PSG11: variants seen among roughly 807,000 people sequenced by gnomAD.
PSG11 encodes the protein pregnancy specific beta-1-glycoprotein 11.
Under a neutral mutation model 36.0 loss-of-function variants are expected in PSG11, and 42 were observed. That is an observed-to-expected ratio of 1.17 (90% CI 0.91 to 1.51). The LOEUF is 1.51. Among genes scored for constraint, PSG11 ranks in the 40% most tolerant of loss-of-function variants. The pLI is 0.00. For missense variants in PSG11, 558 were observed against 403.5 expected, an observed-to-expected ratio of 1.38 and a Z score of -3.28; for synonymous variants, 206 against 153.5, an observed-to-expected ratio of 1.34 and a Z score of -2.53.
Position 43,018,833 on chromosome 19 carries a change from C to A in PSG11, c.646G>T (p.Glu216Ter), listed in dbSNP as rs769018981. Residue 216 changes from glutamate to a stop codon, truncating the protein, a stop_gained, in exon 3 of 6, where the codon GAA (glutamate) becomes TAA (stop). Transcript: ENST00000320078. LOFTEE classifies it high-confidence loss of function. Reference sequence around the variant, plus strand: ...CTCCCTGAGTTCCATATTTCACATTCATAGGGTCCTGCAGTATACTTTGTG... The same window carrying A: ...CTCCCTGAGTTCCATATTTCACATTAATAGGGTCCTGCAGTATACTTTGTG... ...GVTKYTAGPYECEIWNSGSAS... is the reference protein window; with the variant it reads ...GVTKYTAGPY 12 of 1,611,978 alleles carry A rather than the reference C, an allele frequency of 7.4e-6. No homozygotes were observed. Among genetic ancestry groups the A allele is most frequent in the African/African-American group, 1.3e-5 (1 of 74,450 alleles).
intron 4 of PSG11, chr19:43,014,248 A>G: frequency 5.8e-6 from 4 of 692,026 alleles, no homozygotes; most frequent in Non-Finnish European, 7.1e-6. Context: ...TAAGCCTTAT[A>G]TTAGATATAT....
chr19:43,015,980 T>G (rs534930791), intron 3 of PSG11: 7 of 1,610,046 alleles, frequency 4.3e-6, no homozygotes, highest in Admixed American at 3.3e-5. Flanking sequence ...CAGGTGAAGG[T>G]TAAGACATCC....
intron 2 of PSG11, among the ~76,000 whole-genome samples, chr19:43,020,759 A>G (rs1967083949): frequency 6.6e-6 from 1 of 151,218 alleles, no homozygotes; most frequent in African/African-American, 2.5e-5. Flanking sequence ...AAAAGGAGGA[A>G]GGATGCCAAA....
intron 3 of PSG11, chr19:43,016,151 C>A: frequency 1.4e-6 from 2 of 1,469,948 alleles, no homozygotes; most frequent in Non-Finnish European, 1.8e-6. Flanking sequence ...CCACCCGAGT[C>A]CTTGAAAGCC....
chr19:43,016,860 G>A (rs1469433149), intron 3 of PSG11, among the ~76,000 whole-genome samples: 2 of 151,532 alleles, frequency 1.3e-5, no homozygotes, highest in East Asian at 3.9e-4. Flanking sequence ...GTGGACATTT[G>A]CAAATGCAGA....
At chr19:43,019,889 A>T (rs11083683) in intron 2 of PSG11, among the ~76,000 whole-genome samples, 70,178 of 151,040 alleles carry the variant, frequency 0.46, 17,975 homozygotes, top group East Asian at 0.99. Flanking sequence ...GAAAGGGCAA[A>T]CATGAACTGA....
In PSG11 at chr19:43,025,034, G is replaced by T; in HGVS notation, c.87C>A (p.Asn29Lys). The part of the protein sequence containing the change: ...LLTALLLNFW[N>K]LPTTAQVMIE... Reference sequence around the variant, plus strand: ...TCATGACTTGGGCAGTGGTAGGCAAGTTCCAGAAGTTTAAAAGTAATGCTA... The same window carrying T: ...TCATGACTTGGGCAGTGGTAGGCAATTTCCAGAAGTTTAAAAGTAATGCTA... The change falls in exon 2 of 6, where the codon AAC becomes AAA. Residue 29 changes from asparagine (N) to lysine (K), a missense_variant. Physicochemically the swap from Asn to Lys is moderately conservative, Grantham distance 94. Transcript: ENST00000320078. The T allele has an allele frequency of 6.2e-7, 1 of 1,610,510 alleles. No individual in the cohort carries two copies. Among genetic ancestry groups the T allele is most frequent in the Non-Finnish European group, 8.5e-7 (1 of 1,178,176 alleles).
At chr19:43,010,272 A>C in intron 4 of PSG11, 1 of 1,461,776 alleles carries the variant, frequency 6.8e-7, no homozygotes, top group Non-Finnish European at 9.0e-7. Context: ...GCACTCAGGT[A>C]TTTTGGAAGG....
At chr19:43,014,538 G>A (rs961119806) in intron 4 of PSG11, 25 of 983,770 alleles carry the variant, frequency 2.5e-5, no homozygotes, top group Non-Finnish European at 2.9e-5. Flanking sequence ...GCTCAATTTA[G>A]CCAAATTCAG....
chr19:43,015,713 C>T (rs951317026), intron 3 of PSG11: 45 of 1,599,360 alleles, frequency 2.8e-5, no homozygotes, highest in African/African-American at 1.9e-4. Flanking sequence ...AGGCCTGGCC[C>T]CTGGTCGTTT....
At position 43,015,481 on chromosome 19, in the gene PSG11, C is replaced by G. The variant is rs1213013790; in HGVS notation, c.710-111G>C. ...TGAGCCAAGACACACCCTCAAGTCC[C>G]AGCCAAACCCCCTCTATGTTCACTG... is the stretch of plus-strand genomic sequence containing the variant. On this transcript the variant is annotated intron_variant, in intron 3 of 5. Coordinates refer to ENST00000320078, the MANE Select transcript of PSG11 (RefSeq NM_002785.3). 3 of 1,400,280 alleles carry G rather than the reference C, an allele frequency of 2.1e-6. No homozygotes were observed. In the Admixed American group the frequency reaches 6.6e-5, roughly 31 times the overall value. 86.7% of individuals were successfully genotyped at this position (1,400,280 alleles called of 1,614,324 possible).
Position 43,026,378 on chromosome 19 carries a change from C to T in PSG11, c.-6G>A, listed in dbSNP as rs763559429. On this transcript the variant is annotated 5_prime_UTR_variant, in exon 1 of 6. Coordinates refer to ENST00000320078, the MANE Select transcript of PSG11 (RefSeq NM_002785.3). ...GGGGCTGAGAGGGGCCCCATGATCT[C>T]TGCTGCGTGCATGTTCTCCTCTGTG... The T allele has an allele frequency of 1.9e-6, 3 of 1,609,102 alleles. No individual in the cohort carries two copies. The highest frequency in any genetic ancestry group is 2.5e-6 in the Non-Finnish European group (3 of 1,177,240).
intron 2 of PSG11, among the ~76,000 whole-genome samples, chr19:43,022,571 C>T (rs1476276505): frequency 2.0e-5 from 3 of 151,270 alleles, no homozygotes; most frequent in Admixed American, 2.0e-4. Context: ...TAAAATCTTT[C>T]TTTACTAAAA....
At chr19:43,024,651 C>T (rs777914762) in intron 2 of PSG11, 40 bp downstream of exon 2, 1 of 1,609,320 alleles carries the variant, frequency 6.2e-7, no homozygotes, top group East Asian at 2.2e-5. Context: ...AGAAGTGACC[C>T]CTGTCCCCCA....
chr19:43,015,448 T>G, intron 3 of PSG11, 78 bp from the exon 4 acceptor site: 1 of 1,500,438 alleles, frequency 6.7e-7, no homozygotes, highest in Non-Finnish European at 9.0e-7. Flanking sequence ...AGGGACACAG[T>G]GACCCTCTGA....
intron 3 of PSG11, chr19:43,015,716 G>C (rs912358320): frequency 1.2e-6 from 2 of 1,600,666 alleles, no homozygotes; most frequent in African/African-American, 1.4e-5. Flanking sequence ...CCTGGCCCCT[G>C]GTCGTTTGGA....
In PSG11 at chr19:43,024,917, G is replaced by A; in HGVS notation, c.204C>T (p.Tyr68=). 6.2e-7 allele frequency: 1 copy of A among 1,611,828 alleles called. No homozygotes were observed. Among genetic ancestry groups the A allele is most frequent in the South Asian group, 1.1e-5 (1 of 90,816 alleles). Residue 68 remains tyrosine (Y), a synonymous_variant, in exon 2 of 6, where the codon TAC becomes TAT. Coordinates refer to ENST00000320078, the MANE Select transcript of PSG11 (RefSeq NM_002785.3). ...GGTAGAGGTCCCTGATTTGCCCTTT[G>A]TACCAGATGTAGCCAGTAAGATTCT... The part of the protein sequence containing the change: ...LPQNLTGYIW[Y]KGQIRDLYHY...
At position 43,018,968 on chromosome 19, in the gene PSG11, G is replaced by C. The variant is rs1967036211; in HGVS notation, c.511C>G (p.Pro171Ala). Residue 171 changes from proline to alanine, a missense_variant, in exon 3 of 6, where the codon CCT becomes GCT. By Grantham distance (27) the Pro-to-Ala change is conservative. Transcript: ENST00000320078. ...AMETVILTCN[P>A]ETPDASYLWW... ...AGGTAGCTTGCGTCCGGAGTCTCAG[G>C]ATTACAGGTTAAGATCACAGTCTCC... The C allele has an allele frequency of 6.2e-7, 1 of 1,612,094 alleles. No individual in the cohort carries two copies. Among genetic ancestry groups the C allele is most frequent in the Non-Finnish European group, 8.5e-7 (1 of 1,179,128 alleles).
chr19:43,010,392 A>G, intron 4 of PSG11: 1 of 1,558,212 alleles, frequency 6.4e-7, no homozygotes, highest in East Asian at 2.4e-5. Context: ...TGTGGCAGTC[A>G]TGAATGAGAC....
Sources: gnomAD v4.1 joint callset for allele counts (sites outside exome capture counted in the v4.1 genomes callset) on GRCh38, gnomAD v4.1.1 for gene constraint, MANE v1.5 for transcripts, NCBI Gene and HGNC (gene_info 2026-07-23, HGNC 2026-07-21) for gene names.